The following TOGARAM2 variants were observed in gnomAD, a reference collection of about 807,000 sequenced individuals.
The protein encoded by TOGARAM2 is TOG array regulator of axonemal microtubules 2, also known as TOG array regulator of axonemal microtubules protein 2.
In TOGARAM2, 85 loss-of-function variants were observed where a neutral mutation model predicts 93.3. The observed-to-expected ratio is 0.91, with a 90% confidence interval of 0.76 to 1.09. TOGARAM2 has a LOEUF of 1.09. TOGARAM2 is among the 50% of genes least tolerant of loss of function. The pLI is 0.00. For synonymous variants in TOGARAM2, 593 were observed against 552.8 expected (o/e 1.07, Z -1.02); for missense variants, 1,277 against 1,334.5 (o/e 0.96, Z 0.67).
chr2:29,006,376 ATGTGTG>A (rs958605519), intron 6 of TOGARAM2, among the ~76,000 whole-genome samples: 1 of 125,534 alleles, frequency 8.0e-6, no homozygotes, highest in African/African-American at 3.1e-5. Context: ...GTGCATGTGT[ATGTGTG>A]TGAGTGCGTG....
At chr2:29,024,073 T>C in intron 12 of TOGARAM2, 66 bp from the exon 13 acceptor site, 1 of 1,395,368 alleles carries the variant, frequency 7.2e-7, no homozygotes, top group Non-Finnish European at 9.9e-7. Flanking sequence ...CAGGGCCCAT[T>C]TTCCATGCGT....
upstream of TOGARAM2, among the ~76,000 whole-genome samples, chr2:28,980,033 C>T (rs900335499): frequency 1.3e-5 from 2 of 152,202 alleles, no homozygotes; most frequent in African/African-American, 2.4e-5. Context: ...TCTCTTTCCC[C>T]ACCTGGGCAT....
rs372465003 is a variant in TOGARAM2 at position 29,036,600 on chromosome 2, G to A, written c.2478G>A (p.Ala826=). ...QDSNKKVNQW[A]LESFAKMIPL... ...CCAACAAGAAAGTGAACCAGTGGGC[G>A]CTGGAGTCCTTCGCCAAGATGATCC... is the stretch of plus-strand genomic sequence containing the variant. Residue 826 remains alanine, a synonymous_variant, in exon 18 of 20, where the codon GCG becomes GCA. Coordinates refer to ENST00000379558, the MANE Select transcript of TOGARAM2 (RefSeq NM_199280.4). The A allele has an allele frequency of 5.9e-5, 96 of 1,613,888 alleles. No individual in the cohort carries two copies. The East Asian group carries it at 7.1e-4, about 12-fold the overall frequency.
chr2:29,026,983 C>T lies in TOGARAM2; in HGVS notation c.1984C>T (p.Leu662=). 6.4e-7 allele frequency: 1 copy of T among 1,564,744 alleles called. No individual in the cohort carries two copies. Among genetic ancestry groups the T allele is most frequent in the Non-Finnish European group, 8.7e-7 (1 of 1,154,612 alleles). ...CATGTTGGTGCACAACCTGGTGAGG[C>T]TGGCACAGGACTCCAACCAGGACAC... ...TDMLVHNLVR[L]AQDSNQDTRF... The change falls in exon 14 of 20, where the codon CTG becomes TTG. Residue 662 remains leucine, a synonymous_variant. Transcript: ENST00000379558.
chr2:28,985,750 A>G (rs1356610674), intron 1 of TOGARAM2, among the ~76,000 whole-genome samples: 3 of 152,226 alleles, frequency 2.0e-5, no homozygotes, highest in Non-Finnish European at 4.4e-5. Context: ...TCTATTCATC[A>G]GAAAAAGACT....
rs10670919 is a variant in TOGARAM2, at chr2:28,985,332, G to GTTT, written c.-111+3802_-111+3804dup. Among the ~76,000 whole-genome samples the GTTT allele has an allele frequency of 3.0e-3, 449 of 149,770 alleles. 2 individuals are homozygous for GTTT. Among genetic ancestry groups the GTTT allele is most frequent in the African/African-American group, 9.3e-3 (378 of 40,810 alleles). ...CAGCCTCCAGAACTAAATTGCTGGG[G>GTTT]TTTTTTTTTTGTTTTGCTTTTCATT... On this transcript the variant is annotated intron_variant, in intron 1 of 19. Transcript: ENST00000379558.
chr2:28,992,050 G>A (rs1269046478), intron 1 of TOGARAM2, among the ~76,000 whole-genome samples: 8 of 152,208 alleles, frequency 5.3e-5, no homozygotes, highest in Non-Finnish European at 2.9e-5. Context: ...TCTAACAGGG[G>A]AGAGTAGCGC....
chr2:29,005,096 ATGT>A (rs1249843706), intron 6 of TOGARAM2, among the ~76,000 whole-genome samples: 1 of 114,438 alleles, frequency 8.7e-6, no homozygotes, highest in East Asian at 2.8e-4. Context: ...GTGTGAGTGC[ATGT>A]TGTGAGTGCA....
intron 8 of TOGARAM2, among the ~76,000 whole-genome samples, chr2:29,016,436 G>A (rs1167320458): frequency 2.0e-5 from 3 of 152,200 alleles, no homozygotes; most frequent in African/African-American, 4.8e-5. Flanking sequence ...TGTGGATGTG[G>A]AAGATATTAT....
chr2:29,023,038 C>T (rs1240304547), intron 11 of TOGARAM2, 48 bp from the exon 12 acceptor site: 1 of 1,507,054 alleles, frequency 6.6e-7, no homozygotes. Context: ...AGGGGTGGGG[C>T]TCCTCCCTCT....
At position 29,022,318 on chromosome 2, in the gene TOGARAM2, T is replaced by G. The variant is rs925545350; in HGVS notation, c.1511+10T>G. 1 of 1,613,750 alleles carries G rather than the reference T, an allele frequency of 6.2e-7. No homozygotes were observed. The highest frequency in any genetic ancestry group is 2.2e-5 in the East Asian group (1 of 44,884). ...TCAACAGCAGTGACTGGTGAGGAGA[T>G]GCTTCCACCACGTGCTGTGTTCTGG... On this transcript the variant is annotated intron_variant, in intron 11 of 19. Transcript: ENST00000379558.
intron 1 of TOGARAM2, among the ~76,000 whole-genome samples, chr2:28,968,828 A>AAAAAC (rs1671904899): frequency 8.2e-6 from 1 of 121,960 alleles, no homozygotes; most frequent in African/African-American, 3.0e-5. Context: ...AAAAAAAAAA[A>AAAAAC]AAAAAAAAAA....
At chr2:29,005,269 AGT>A (rs1254948031) in intron 6 of TOGARAM2, among the ~76,000 whole-genome samples, 7 of 115,282 alleles carry the variant, frequency 6.1e-5, no homozygotes, top group African/African-American at 1.8e-4. Flanking sequence ...ATGTGTGTGG[AGT>A]GTGTGTGCAT....
At chr2:29,038,605 G>T (rs1191302160) in intron 18 of TOGARAM2, among the ~76,000 whole-genome samples, 2 of 152,090 alleles carry the variant, frequency 1.3e-5, no homozygotes, top group South Asian at 4.1e-4. Context: ...CACCACGCCT[G>T]GCTAATTTTT....
At chr2:29,037,444 A>G (rs1432460589) in intron 18 of TOGARAM2, among the ~76,000 whole-genome samples, 4 of 152,160 alleles carry the variant, frequency 2.6e-5, no homozygotes, top group African/African-American at 7.2e-5. Context: ...CGAGGAAGCC[A>G]TGGTCTGAAA....
At chr2:29,013,533 G>A (rs1664377351) in intron 7 of TOGARAM2, among the ~76,000 whole-genome samples, 2 of 152,188 alleles carry the variant, frequency 1.3e-5, no homozygotes, top group African/African-American at 4.8e-5. Context: ...CCAAAAGTCC[G>A]AGAGCCCCTG....
At chr2:29,030,662 C>T (rs17007468) in intron 14 of TOGARAM2, among the ~76,000 whole-genome samples, 3,074 of 152,208 alleles carry the variant, frequency 0.02, 110 homozygotes, top group African/African-American at 0.07. Context: ...CACTGTACTC[C>T]GGGGATTCTC....
intron 1 of TOGARAM2, chr2:28,972,457 G>A (rs1671962493): frequency 6.6e-6 from 1 of 152,142 alleles, no homozygotes; most frequent in Non-Finnish European, 1.5e-5. Flanking sequence ...GGAAAGAGGA[G>A]GACGAGTTTT....
chr2:29,045,513 T>TCCC, intron 19 of TOGARAM2, 103 bp downstream of exon 19: 1 of 941,024 alleles, frequency 1.1e-6, no homozygotes, highest in East Asian at 2.5e-5. Flanking sequence ...CCTGAAATAA[T>TCCC]CCCCCCCAAT....
Sources: allele counts gnomAD v4.1 joint callset (sites outside exome capture counted in the v4.1 genomes callset), GRCh38; gene constraint gnomAD v4.1.1; transcripts MANE v1.5; gene names NCBI Gene and HGNC (gene_info 2026-07-23, HGNC 2026-07-21).